MKLN1: variants seen among roughly 807,000 people sequenced by gnomAD.
MKLN1 encodes the protein muskelin 1.
Under a neutral mutation model 99.0 loss-of-function variants are expected in MKLN1, and 18 were observed. The ratio of observed to expected loss-of-function variants is 0.18; its 90% CI spans 0.13 to 0.27. The LOEUF is 0.27. Among genes scored for constraint, MKLN1 ranks in the 10% least tolerant of loss-of-function variants. MKLN1 has a pLI of 1.00. For missense variants in MKLN1, 621 were observed against 875.9 expected (o/e 0.71, Z 3.67); for synonymous variants, 288 against 293.2 (o/e 0.98, Z 0.18).
At chr7:131,280,659 T>C (rs201179831) in intron 3 of MKLN1, among the ~76,000 whole-genome samples, 1 of 142,966 alleles carries the variant, frequency 7.0e-6, no homozygotes, top group East Asian at 2.1e-4. Context: ...ATTTTTTTTT[T>C]CTTTTTTGGG....
chr7:131,495,920 A>G lies in MKLN1; in HGVS notation c.*8192A>G, dbSNP rs149021248. 1.3e-5 allele frequency: 2 copies of G among 152,290 alleles called. No individual in the cohort carries two copies. Among genetic ancestry groups the G allele is most frequent in the Admixed American group, 6.5e-5 (1 of 15,292 alleles). The allele number at this position is 152,290 out of a possible 1,614,324, so 9.4% of individuals were successfully genotyped here. ...CCATGAGGAGGAGTCTTTGTTTATG[A>G]TGGACTTTTTAATATGGCCATAATT... is the stretch of plus-strand genomic sequence containing the variant. On this transcript the variant is annotated 3_prime_UTR_variant, in exon 18 of 18. Transcript: ENST00000352689.
At chr7:131,191,725 T>G (rs1444596228) in intron 2 of MKLN1, among the ~76,000 whole-genome samples, 1 of 151,010 alleles carries the variant, frequency 6.6e-6, no homozygotes, top group African/African-American at 2.4e-5. Context: ...TCCTTTTTTT[T>G]TTTTTTGAGA....
intron 3 of MKLN1, among the ~76,000 whole-genome samples, chr7:131,224,981 G>A (rs1797124059): frequency 6.6e-6 from 1 of 151,858 alleles, no homozygotes; most frequent in Non-Finnish European, 1.5e-5. Context: ...GCTGAGGCAG[G>A]AGAATGGTGC....
chr7:131,310,502 A>G (rs559272663), intron 3 of MKLN1: 13 of 152,324 alleles, frequency 8.5e-5, no homozygotes, highest in African/African-American at 2.9e-4. Context: ...CCATGAATTT[A>G]GTTTTCTCAG....
intron 4 of MKLN1, among the ~76,000 whole-genome samples, chr7:131,391,522 A>G (rs1409974159): frequency 6.6e-6 from 1 of 152,228 alleles, no homozygotes; most frequent in Non-Finnish European, 1.5e-5. Context: ...TTGGTCATAA[A>G]TTGTTAACAA....
At chr7:131,328,307 G>C (rs931076210) in intron 1 of MKLN1, 13 of 327,578 alleles carry the variant, frequency 4.0e-5, no homozygotes, top group Non-Finnish European at 5.2e-5. Context: ...GGAGGGCTTG[G>C]GGGGCGGACG....
chr7:131,119,431 A>G (rs1440806680), intron 1 of MKLN1, among the ~76,000 whole-genome samples: 1 of 152,212 alleles, frequency 6.6e-6, no homozygotes, highest in East Asian at 1.9e-4. Flanking sequence ...GCATAGTGCA[A>G]GCTATCAGTG....
At position 131,491,339 on chromosome 7, in the gene MKLN1, G is replaced by T. The variant is rs1449095702; in HGVS notation, c.*3611G>T. On this transcript the variant is annotated 3_prime_UTR_variant, in exon 18 of 18. Transcript: ENST00000352689. ...CACCAAGTTTTGAATTCCTAAGGTAGCCCCGATCTAGGATGTGAAGGCTGC... is the reference window on the plus strand; with the variant it reads ...CACCAAGTTTTGAATTCCTAAGGTATCCCCGATCTAGGATGTGAAGGCTGC... 6.6e-6 allele frequency: 1 copy of T among 152,060 alleles called. No individual in the cohort carries two copies. The highest frequency in any genetic ancestry group is 2.4e-5 in the African/African-American group (1 of 41,476). The allele number at this position is 152,060 out of a possible 1,614,324, so 9.4% of individuals were successfully genotyped here. A position where few individuals can be genotyped will look rare whatever the true frequency, so the allele number is the denominator to read the frequency against.
chr7:131,133,142 A>G (rs1009608606), intron 1 of MKLN1, among the ~76,000 whole-genome samples: 1 of 151,480 alleles, frequency 6.6e-6, no homozygotes, highest in Admixed American at 6.6e-5. Context: ...CAGGCTCACT[A>G]GAGATTTTGA....
intron 3 of MKLN1, among the ~76,000 whole-genome samples, chr7:131,318,268 A>G (rs1040895711): frequency 1.3e-5 from 2 of 152,228 alleles, no homozygotes; most frequent in African/African-American, 4.8e-5. Context: ...CTCAGACCAC[A>G]GTGCAATTAA....
intron 1 of MKLN1, among the ~76,000 whole-genome samples, chr7:131,365,246 A>G (rs1165148103): frequency 6.6e-6 from 1 of 152,106 alleles, no homozygotes. Context: ...GTTGGTTGTC[A>G]TGTATGTTTT....
intron 3 of MKLN1, among the ~76,000 whole-genome samples, chr7:131,267,779 G>A (rs1303361249): frequency 2.0e-5 from 3 of 152,162 alleles, no homozygotes; most frequent in Admixed American, 6.5e-5. Context: ...GCTACTTGAA[G>A]AAAGACTTAA....
intron 1 of MKLN1, among the ~76,000 whole-genome samples, chr7:131,344,240 G>A (rs1247226274): frequency 6.6e-6 from 1 of 151,996 alleles, no homozygotes; most frequent in African/African-American, 2.4e-5. Flanking sequence ...TCTCATTTTA[G>A]CAAATAATAA....
At chr7:131,419,022 T>TTTCATGC (rs1409032247) in intron 8 of MKLN1, among the ~76,000 whole-genome samples, 1 of 152,124 alleles carries the variant, frequency 6.6e-6, no homozygotes, top group African/African-American at 2.4e-5. Flanking sequence ...GTCTAACAAC[T>TTTCATGC]TTCATGCCTT....
intron 3 of MKLN1, among the ~76,000 whole-genome samples, chr7:131,301,352 G>A (rs914108248): frequency 3.3e-5 from 5 of 152,212 alleles, no homozygotes; most frequent in African/African-American, 1.2e-4. Flanking sequence ...TGCTATACAT[G>A]TAGTAACTGG....
rs573783103 is a variant in MKLN1, at chr7:131,148,977, C to A, written c.-297+6036C>A. Among the ~76,000 whole-genome samples, 5 of 152,192 alleles carry A rather than the reference C, an allele frequency of 3.3e-5. No individual in the cohort carries two copies. In the South Asian group the frequency reaches 8.3e-4, roughly 25 times the overall value. ...GAAGATATTGTGTCTTTAAAATGGC[C>A]ATCTCTCAGAATTTTTGGAGATTTG... is the stretch of plus-strand genomic sequence containing the variant. On this transcript the variant is annotated intron_variant, in intron 2 of 7. Coordinates refer to the MKLN1 transcript ENST00000416992.
chr7:131,215,784 G>T (rs565388535), intron 3 of MKLN1, among the ~76,000 whole-genome samples: 1 of 152,284 alleles, frequency 6.6e-6, no homozygotes, highest in South Asian at 2.1e-4. Flanking sequence ...GCCTGTAGTT[G>T]CTTGATCCAG....
intron 1 of MKLN1, among the ~76,000 whole-genome samples, chr7:131,346,466 G>A (rs1002058827): frequency 9.9e-5 from 15 of 151,424 alleles, no homozygotes; most frequent in African/African-American, 3.4e-4. Flanking sequence ...AGGTTGCAGT[G>A]AGCTGAGATT....
intron 3 of MKLN1, among the ~76,000 whole-genome samples, chr7:131,280,062 A>G (rs191204270): frequency 3.3e-5 from 5 of 152,126 alleles, no homozygotes; most frequent in African/African-American, 7.2e-5. Flanking sequence ...GGATTCATAC[A>G]ATATATAGTC....
Sources: allele counts gnomAD v4.1 joint callset (sites outside exome capture counted in the v4.1 genomes callset), GRCh38; gene constraint gnomAD v4.1.1; transcripts MANE v1.5; gene names NCBI Gene and HGNC (gene_info 2026-07-23, HGNC 2026-07-21).